PRKG1: variants seen among roughly 807,000 people sequenced by gnomAD.
PRKG1 encodes the protein protein kinase cGMP-dependent 1.
In PRKG1, 35 loss-of-function variants were observed where a neutral mutation model predicts 88.1. The observed-to-expected ratio is 0.40, with a 90% CI of 0.30 to 0.53. PRKG1 has a LOEUF of 0.53. Ranked by LOEUF, PRKG1 falls within the 20% of genes least tolerant of loss-of-function variation. PRKG1 has a pLI of 0.59. For synonymous variants in PRKG1, 303 were observed against 292.5 expected (o/e 1.04, Z -0.37); for missense variants, 540 against 839.8 (o/e 0.64, Z 4.41).
At chr10:51,442,617 C>A (rs1839150598) in intron 2 of PRKG1, among the ~76,000 whole-genome samples, 1 of 151,808 alleles carries the variant, frequency 6.6e-6, no homozygotes, top group Non-Finnish European at 1.5e-5. Flanking sequence ...TTATAGGTGG[C>A]CTAGACATGT....
intron 2 of PRKG1, among the ~76,000 whole-genome samples, chr10:51,346,190 T>C (rs538589376): frequency 6.6e-6 from 1 of 152,318 alleles, no homozygotes; most frequent in African/African-American, 2.4e-5. Context: ...CATTGTGGAA[T>C]AGTGTTCTCT....
chr10:51,302,079 T>C (rs1013377301), intron 2 of PRKG1, among the ~76,000 whole-genome samples: 2 of 152,222 alleles, frequency 1.3e-5, no homozygotes, highest in Non-Finnish European at 2.9e-5. Context: ...GCTATGTCCT[T>C]GTTCCATTTA....
At chr10:51,947,449 G>T (rs868615502) in intron 5 of PRKG1, among the ~76,000 whole-genome samples, 177 of 152,202 alleles carry the variant, frequency 1.2e-3, no homozygotes, top group African/African-American at 4.0e-3. Context: ...GCTTCGGCTC[G>T]CGCATGGTGC....
At chr10:51,534,012 C>CT (rs1358010089) in intron 3 of PRKG1, among the ~76,000 whole-genome samples, 2 of 152,144 alleles carry the variant, frequency 1.3e-5, no homozygotes, top group Non-Finnish European at 1.5e-5. Flanking sequence ...CTCGGATGAT[C>CT]TTCCATATAA....
intron 4 of PRKG1, among the ~76,000 whole-genome samples, chr10:51,812,219 G>C (rs1839474798): frequency 6.6e-6 from 1 of 152,152 alleles, no homozygotes; most frequent in Admixed American, 6.5e-5. Context: ...TTAGGGATTT[G>C]ACAAACTCTT....
intron 2 of PRKG1, among the ~76,000 whole-genome samples, chr10:51,427,623 A>G (rs1838628155): frequency 6.6e-6 from 1 of 152,196 alleles, no homozygotes; most frequent in South Asian, 2.1e-4. Flanking sequence ...TCTGTGGCCT[A>G]TATGGGACCT....
intron 3 of PRKG1, among the ~76,000 whole-genome samples, chr10:51,498,438 C>G (rs1446910084): frequency 1.3e-5 from 2 of 152,122 alleles, no homozygotes; most frequent in Non-Finnish European, 2.9e-5. Flanking sequence ...CAGGCACTAT[C>G]TGTCAAAGTT....
At chr10:51,249,222 T>G (rs1839368871) in intron 2 of PRKG1, among the ~76,000 whole-genome samples, 2 of 151,848 alleles carry the variant, frequency 1.3e-5, no homozygotes, top group Admixed American at 1.3e-4. Context: ...ATATATAGTT[T>G]GAAAGAATAG....
chr10:51,572,914 A>C (rs1189435591), intron 3 of PRKG1, among the ~76,000 whole-genome samples: 1 of 151,866 alleles, frequency 6.6e-6, no homozygotes, highest in Admixed American at 6.6e-5. Context: ...CGTATACCAA[A>C]ATAGTGGGAA....
At chr10:51,668,183 C>T (rs1840469260) in intron 3 of PRKG1, among the ~76,000 whole-genome samples, 2 of 152,148 alleles carry the variant, frequency 1.3e-5, no homozygotes, top group African/African-American at 2.4e-5. Context: ...TATTTATGCT[C>T]AGCTGCAGGA....
At chr10:51,274,399 GCA>G (rs1840061045) in intron 2 of PRKG1, among the ~76,000 whole-genome samples, 1 of 152,074 alleles carries the variant, frequency 6.6e-6, no homozygotes. Context: ...TTTGATTACT[GCA>G]CACTAAAAAA....
intron 9 of PRKG1, among the ~76,000 whole-genome samples, chr10:52,171,383 C>T (rs1838670917): frequency 6.6e-6 from 1 of 152,020 alleles, no homozygotes; most frequent in South Asian, 2.1e-4. Flanking sequence ...GCCCTCAAAC[C>T]AGAATTAGAA....
At chr10:51,314,475 A>G (rs1209513165) in intron 2 of PRKG1, among the ~76,000 whole-genome samples, 2 of 152,228 alleles carry the variant, frequency 1.3e-5, no homozygotes, top group Non-Finnish European at 2.9e-5. Flanking sequence ...GCTCATTTAC[A>G]TGAGCCACTT....
intron 5 of PRKG1, chr10:52,047,026 C>A (rs928315291): frequency 4.6e-5 from 7 of 152,118 alleles, no homozygotes; most frequent in Non-Finnish European, 1.0e-4. Flanking sequence ...AATAGAAAAT[C>A]TCTATAGTAT....
intron 1 of PRKG1, among the ~76,000 whole-genome samples, chr10:51,125,011 T>C (rs1414590678): frequency 6.6e-6 from 1 of 152,244 alleles, no homozygotes; most frequent in Non-Finnish European, 1.5e-5. Context: ...ACATTCTCCA[T>C]ATTGCTTTTA....
chr10:51,188,518 T>C (rs531395348), intron 2 of PRKG1, among the ~76,000 whole-genome samples: 10 of 152,106 alleles, frequency 6.6e-5, no homozygotes, highest in Non-Finnish European at 1.5e-5. Context: ...ATATTTCCCA[T>C]GTGTCAGCTT....
chr10:51,842,260 G>A (rs144575707), intron 4 of PRKG1, among the ~76,000 whole-genome samples: 5 of 152,318 alleles, frequency 3.3e-5, no homozygotes, highest in Middle Eastern at 3.4e-3. Context: ...ACAAATAAGT[G>A]AAAACTGTCA....
At chr10:51,067,691 T>A (rs1473045901) in intron 1 of PRKG1, among the ~76,000 whole-genome samples, 2 of 152,074 alleles carry the variant, frequency 1.3e-5, no homozygotes, top group Non-Finnish European at 2.9e-5. Flanking sequence ...GAGTAAAAAA[T>A]TTGTATGTAA....
intron 7 of PRKG1, among the ~76,000 whole-genome samples, chr10:52,065,251 G>A (rs895660506): frequency 6.6e-6 from 1 of 152,092 alleles, no homozygotes; most frequent in Non-Finnish European, 1.5e-5. Flanking sequence ...AGTGCTGTAT[G>A]TATATACACT....
Sources: allele counts gnomAD v4.1 joint callset (sites outside exome capture counted in the v4.1 genomes callset), GRCh38; gene constraint gnomAD v4.1.1; transcripts MANE v1.5; gene names NCBI Gene and HGNC (gene_info 2026-07-23, HGNC 2026-07-21).